NEK7: variants seen among roughly 807,000 people sequenced by gnomAD.
The protein encoded by NEK7 is serine/threonine-protein kinase Nek7.
NEK7 carries 18 observed loss-of-function variants against 44.6 expected under a neutral mutation model. The ratio of observed to expected loss-of-function variants is 0.40; its 90% CI spans 0.28 to 0.60. The LOEUF (loss-of-function observed/expected upper bound fraction) is 0.60, where lower values mean the gene tolerates loss of function less well. Ranked by LOEUF, NEK7 falls within the 20% of genes least tolerant of loss-of-function variation. NEK7 has a pLI of 0.38. For synonymous variants in NEK7, 130 were observed against 121.1 expected, an observed-to-expected ratio of 1.07 and a Z score of -0.48; for missense variants, 256 against 366.5, an observed-to-expected ratio of 0.70 and a Z score of 2.46.
At chr1:198,214,863 C>T (rs1389476649) in intron 1 of NEK7, among the ~76,000 whole-genome samples, 1 of 151,998 alleles carries the variant, frequency 6.6e-6, no homozygotes, top group Non-Finnish European at 1.5e-5. Flanking sequence ...AGAATATCAT[C>T]AAGGCATATA....
intron 1 of NEK7, among the ~76,000 whole-genome samples, chr1:198,164,738 G>A (rs1265707665): frequency 1.3e-5 from 2 of 152,198 alleles, no homozygotes; most frequent in East Asian, 3.8e-4. Context: ...TGATTACGGT[G>A]ACGGTCACTG....
At chr1:198,219,032 A>G (rs1259770768) in intron 1 of NEK7, among the ~76,000 whole-genome samples, 3 of 151,962 alleles carry the variant, frequency 2.0e-5, no homozygotes, top group East Asian at 3.8e-4. Flanking sequence ...TTAATCCACT[A>G]TTTGATCTAG....
chr1:198,192,321 A>G (rs1665103940), intron 1 of NEK7, among the ~76,000 whole-genome samples: 1 of 141,312 alleles, frequency 7.1e-6, no homozygotes, highest in African/African-American at 2.6e-5. Context: ...AGATTTGTCT[A>G]TTTTTATTAA....
intron 5 of NEK7, among the ~76,000 whole-genome samples, chr1:198,274,324 T>TG (rs1164685075): frequency 6.6e-6 from 1 of 151,532 alleles, no homozygotes; most frequent in East Asian, 1.9e-4. Flanking sequence ...TATGATTCCC[T>TG]GGGTTGGCTA....
intron 3 of NEK7, chr1:198,256,354 A>G (rs1401970717): frequency 3.5e-5 from 56 of 1,610,848 alleles, no homozygotes; most frequent in Non-Finnish European, 4.7e-5. Flanking sequence ...TATGGGAAAG[A>G]AGAGTGTGTG....
At chr1:198,273,549 A>G (rs1423802572) in intron 5 of NEK7, among the ~76,000 whole-genome samples, 1 of 151,752 alleles carries the variant, frequency 6.6e-6, no homozygotes, top group East Asian at 1.9e-4. Context: ...ACGACAAAAT[A>G]TAGTCTTATA....
rs537785228 is a variant in NEK7 at position 198,301,357 on chromosome 1, T to A, written c.798+4117T>A. On this transcript the variant is annotated intron_variant, in intron 9 of 9. Transcript: ENST00000367385. ...CGAAGTCAGGAGATCGAGACCATCC[T>A]GGCTAACACGGTGAAACCCCGTCTC... Among the ~76,000 whole-genome samples, 12 of 152,090 alleles carry A rather than the reference T, an allele frequency of 7.9e-5. No individual in the cohort carries two copies. The South Asian group carries it at 1.5e-3, about 18-fold the overall frequency.
chr1:198,211,712 GT>G (rs924698101), intron 1 of NEK7, among the ~76,000 whole-genome samples: 23 of 151,310 alleles, frequency 1.5e-4, no homozygotes, highest in African/African-American at 4.8e-4. Flanking sequence ...AAAAAATGCA[GT>G]TTTTTTTTGG....
chr1:198,298,372 A>G (rs1654774577), intron 9 of NEK7, among the ~76,000 whole-genome samples: 1 of 152,212 alleles, frequency 6.6e-6, no homozygotes, highest in Non-Finnish European at 1.5e-5. Context: ...TTGTGTTCCT[A>G]GAATATAATA....
At chr1:198,205,922 C>G (rs2102804552) in intron 1 of NEK7, among the ~76,000 whole-genome samples, 1 of 152,034 alleles carries the variant, frequency 6.6e-6, no homozygotes, top group South Asian at 2.1e-4. Context: ...CACTTCTCTT[C>G]CATTGTGTTA....
chr1:198,190,580 A>G (rs1558048850), intron 1 of NEK7, among the ~76,000 whole-genome samples: 1 of 152,084 alleles, frequency 6.6e-6, no homozygotes, highest in African/African-American at 2.4e-5. Flanking sequence ...GATACTCTCT[A>G]AAGTCCCTTG....
chr1:198,216,116 A>C (rs1665911566), intron 1 of NEK7, among the ~76,000 whole-genome samples: 2 of 152,170 alleles, frequency 1.3e-5, no homozygotes, highest in African/African-American at 4.8e-5. Context: ...CAAAAACTGC[A>C]GAATATACAT....
intron 1 of NEK7, among the ~76,000 whole-genome samples, chr1:198,194,252 C>A (rs1411895934): frequency 2.0e-5 from 3 of 148,836 alleles, no homozygotes; most frequent in Non-Finnish European, 4.5e-5. Context: ...AATTTAATTT[C>A]TTTTTGTCTT....
At position 198,292,967 on chromosome 1, in the gene NEK7, T is replaced by C. The variant is rs750847048; in HGVS notation, c.612T>C (p.Ser204=). 7 of 1,595,800 alleles carry C rather than the reference T, an allele frequency of 4.4e-6. No homozygotes were observed. In the East Asian group the frequency reaches 1.6e-4, roughly 36 times the overall value. The change falls in exon 8 of 10, where the codon TCT becomes TCC. Residue 204 remains serine, a synonymous_variant. Transcript: ENST00000367385. ...HSLVGTPYYM[S]PERIHENGYN... ...CAGTTGGTACGCCTTATTACATGTC[T>C]CCAGAGAGAATACATGAAAATGGAT... is the stretch of plus-strand genomic sequence containing the variant.
rs565453417 is a variant in NEK7 at position 198,290,267 on chromosome 1, ACT to A, written c.590-2673_590-2672del. Among the ~76,000 whole-genome samples the A allele has an allele frequency of 5.9e-5, 9 of 152,146 alleles. No homozygotes were observed. The South Asian group carries it at 1.5e-3, about 25-fold the overall frequency. On this transcript the variant is annotated intron_variant, in intron 7 of 9. Transcript: ENST00000367385. ...TAATGTCTAATCATATCACTCCATA[ACT>A]CTCTTTTCTTGTACAGCTGTTAAAA...
At chr1:198,311,501 T>C (rs1655181117) in intron 9 of NEK7, among the ~76,000 whole-genome samples, 1 of 151,428 alleles carries the variant, frequency 6.6e-6, no homozygotes, top group African/African-American at 2.4e-5. Flanking sequence ...AGAGAGGGCA[T>C]CCCTGTCTTG....
At chr1:198,184,182 G>A (rs950742305) in intron 1 of NEK7, among the ~76,000 whole-genome samples, 9 of 152,088 alleles carry the variant, frequency 5.9e-5, no homozygotes, top group African/African-American at 1.7e-4. Flanking sequence ...AGCTACCCTC[G>A]TAGTATGCAA....
intron 1 of NEK7, among the ~76,000 whole-genome samples, chr1:198,219,084 C>T (rs1382478493): frequency 6.6e-6 from 1 of 151,736 alleles, no homozygotes; most frequent in Non-Finnish European, 1.5e-5. Flanking sequence ...AAAGAAGTCA[C>T]TGTATCAAAG....
chr1:198,304,402 A>G (rs1365596785), intron 9 of NEK7, among the ~76,000 whole-genome samples: 3 of 152,170 alleles, frequency 2.0e-5, no homozygotes, highest in Admixed American at 6.5e-5. Flanking sequence ...AAGCTCCAAA[A>G]TATAATGTAC....
Sources: gnomAD v4.1 joint callset for allele counts (sites outside exome capture counted in the v4.1 genomes callset) on GRCh38, gnomAD v4.1.1 for gene constraint, MANE v1.5 for transcripts, NCBI Gene and HGNC (gene_info 2026-07-23, HGNC 2026-07-21) for gene names.